PTPN4: variants seen among roughly 807,000 people sequenced by gnomAD.
PTPN4 encodes protein tyrosine phosphatase non-receptor type 4, also known as tyrosine-protein phosphatase non-receptor type 4.
Under a neutral mutation model 135.5 loss-of-function variants are expected in PTPN4, and 49 were observed. The observed-to-expected ratio is 0.36, with a 90% CI of 0.29 to 0.46. The LOEUF (loss-of-function observed/expected upper bound fraction) is 0.46, where lower values mean the gene tolerates loss of function less well. PTPN4 is among the 20% of genes least tolerant of loss of function. The pLI, the probability that PTPN4 is intolerant of heterozygous loss-of-function variation, is 1.00. For missense variants in PTPN4, 860 were observed against 1,101.0 expected, an observed-to-expected ratio of 0.78 and a Z score of 3.10; for synonymous variants, 333 against 369.9, an observed-to-expected ratio of 0.90 and a Z score of 1.14.
chr2:119,851,619 A>G (rs1677592603), intron 2 of PTPN4, among the ~76,000 whole-genome samples: 1 of 152,182 alleles, frequency 6.6e-6, no homozygotes, highest in Non-Finnish European at 1.5e-5. Context: ...TCCCTTTTCC[A>G]GTGGTGTGCC....
At chr2:119,767,352 ATTAT>A (rs1690646651) in intron 1 of PTPN4, among the ~76,000 whole-genome samples, 1 of 152,210 alleles carries the variant, frequency 6.6e-6, no homozygotes. Flanking sequence ...TTTTTCCTGA[ATTAT>A]TTGAGAGCAA....
intron 1 of PTPN4, among the ~76,000 whole-genome samples, chr2:119,770,181 T>G (rs1267116890): frequency 6.6e-6 from 1 of 152,214 alleles, no homozygotes; most frequent in Non-Finnish European, 1.5e-5. Context: ...CTCTTTATCA[T>G]CAAGATTATT....
At chr2:119,930,648 T>C (rs1678890987) in intron 13 of PTPN4, among the ~76,000 whole-genome samples, 1 of 152,178 alleles carries the variant, frequency 6.6e-6, no homozygotes, top group Non-Finnish European at 1.5e-5. Context: ...TGGTCAGTGT[T>C]ATTGTGCGTG....
At chr2:119,915,437 G>A (rs575900893) in intron 11 of PTPN4, 195 bp downstream of exon 11, 62 of 357,978 alleles carry the variant, frequency 1.7e-4, no homozygotes, top group African/African-American at 1.2e-3. Flanking sequence ...CTAATTTAAA[G>A]TTCTTCTAGA....
Position 119,803,439 on chromosome 2 carries a change from C to T in PTPN4, c.-17-6398C>T, listed in dbSNP as rs116454627. ...GATTTCCTCTTTGTCCAGTGGATAA[C>T]GTAGACTTGTTTAGTTTCTACGTGT... On this transcript the variant is annotated intron_variant, in intron 1 of 26. Coordinates refer to ENST00000263708, the MANE Select transcript of PTPN4 (RefSeq NM_002830.4). Among the ~76,000 whole-genome samples, 135 of 152,236 alleles carry T rather than the reference C, an allele frequency of 8.9e-4. 1 individual carries two copies. Among genetic ancestry groups the T allele is most frequent in the African/African-American group, 3.1e-3 (130 of 41,544 alleles).
At chr2:119,934,776 C>G in intron 14 of PTPN4, 24 bp from the exon 15 acceptor site, 1 of 1,606,734 alleles carries the variant, frequency 6.2e-7, no homozygotes, top group Non-Finnish European at 8.5e-7. Context: ...TATTTTTATT[C>G]AGTTTTTCTC....
intron 18 of PTPN4, among the ~76,000 whole-genome samples, chr2:119,949,440 T>C (rs1045472744): frequency 6.6e-6 from 1 of 152,140 alleles, no homozygotes; most frequent in Non-Finnish European, 1.5e-5. Flanking sequence ...TCATTTTTTA[T>C]ATTGGACATC....
chr2:119,894,518 A>G (rs142144061), intron 9 of PTPN4, among the ~76,000 whole-genome samples: 2 of 152,332 alleles, frequency 1.3e-5, no homozygotes, highest in African/African-American at 2.4e-5. Flanking sequence ...CTCATACTCC[A>G]TTAGGCCTAT....
intron 10 of PTPN4, among the ~76,000 whole-genome samples, chr2:119,911,725 A>T (rs1198458385): frequency 6.6e-6 from 1 of 152,156 alleles, no homozygotes; most frequent in Non-Finnish European, 1.5e-5. Flanking sequence ...TTCCTTGTAG[A>T]TAAGAATATA....
chr2:119,856,774 G>C (rs1304807754), intron 2 of PTPN4, among the ~76,000 whole-genome samples: 1 of 152,146 alleles, frequency 6.6e-6, no homozygotes, highest in East Asian at 1.9e-4. Flanking sequence ...CATACTAGGA[G>C]GATAATAATT....
chr2:119,841,266 C>T (rs552542241), intron 2 of PTPN4, among the ~76,000 whole-genome samples: 1 of 152,266 alleles, frequency 6.6e-6, no homozygotes, highest in African/African-American at 2.4e-5. Flanking sequence ...AACCCTTGTG[C>T]TTACACATTA....
rs1417081868 is a variant in PTPN4 at position 119,977,955 on chromosome 2, A to T, written c.*885A>T. On this transcript the variant is annotated 3_prime_UTR_variant, in exon 27 of 27. Transcript: ENST00000263708. ...AGTTCACATTTTAAAAAACAGCTATATTGAGTGTTATACAGTCAAAGAAGG... is the reference window on the plus strand; with the variant it reads ...AGTTCACATTTTAAAAAACAGCTATTTTGAGTGTTATACAGTCAAAGAAGG... 1 of 152,190 alleles carries T rather than the reference A, an allele frequency of 6.6e-6. No homozygotes were observed. Among genetic ancestry groups the T allele is most frequent in the Non-Finnish European group, 1.5e-5 (1 of 68,032 alleles). 9.4% of individuals were successfully genotyped at this position (152,190 alleles called of 1,614,324 possible). A position where few individuals can be genotyped will look rare whatever the true frequency, so the allele number is the denominator to read the frequency against.
chr2:119,902,785 CCTT>C (rs1364540150), intron 10 of PTPN4, among the ~76,000 whole-genome samples: 2 of 152,186 alleles, frequency 1.3e-5, no homozygotes, highest in Admixed American at 1.3e-4. Context: ...TTACTGCAGT[CCTT>C]CTTATATGAG....
At chr2:119,804,785 G>A (rs185187931) in intron 1 of PTPN4, among the ~76,000 whole-genome samples, 1 of 152,154 alleles carries the variant, frequency 6.6e-6, no homozygotes, top group Non-Finnish European at 1.5e-5. Flanking sequence ...AATCCTTTGG[G>A]CATATACCCA....
chr2:119,815,777 T>C (rs1041038036), intron 2 of PTPN4, among the ~76,000 whole-genome samples: 7 of 152,174 alleles, frequency 4.6e-5, no homozygotes, highest in Non-Finnish European at 7.4e-5. Flanking sequence ...GAGAGAGATG[T>C]TGGATTCTAT....
In PTPN4 at chr2:119,920,181, T is replaced by C; in HGVS notation, c.941T>C (p.Leu314Pro). ...HHTFFRLDRP[L>P]PPQKNFFAHY... ...ACATTCTTCCGTTTGGACAGACCACTTCCACCTCAAAAGAATTTTTTTGCA... is the reference window on the plus strand; with the variant it reads ...ACATTCTTCCGTTTGGACAGACCACCTCCACCTCAAAAGAATTTTTTTGCA... The change falls in exon 12 of 27, where the codon CTT becomes CCT. Residue 314 changes from leucine (L) to proline (P), a missense_variant. By Grantham distance (98) the Leu-to-Pro change is moderately conservative. Coordinates refer to ENST00000263708, the MANE Select transcript of PTPN4 (RefSeq NM_002830.4). The C allele has an allele frequency of 2.5e-6, 4 of 1,613,392 alleles. No homozygotes were observed. The highest frequency in any genetic ancestry group is 3.4e-6 in the Non-Finnish European group (4 of 1,179,724).
chr2:119,849,744 C>T (rs1677563560), intron 2 of PTPN4, among the ~76,000 whole-genome samples: 1 of 152,212 alleles, frequency 6.6e-6, no homozygotes, highest in Non-Finnish European at 1.5e-5. Flanking sequence ...ACAGTGCGCA[C>T]AGCATTAGGC....
chr2:119,810,664 T>C lies in PTPN4; in HGVS notation c.138+673T>C, dbSNP rs1166236309. Among the ~76,000 whole-genome samples, 4 of 152,318 alleles carry C rather than the reference T, an allele frequency of 2.6e-5. No individual in the cohort carries two copies. The East Asian group carries it at 5.8e-4, about 22-fold the overall frequency. ...ACTGCTGTGAACATTCTTGTACATA[T>C]CTTGATACATATAAAAGTGTATTCT... is the stretch of plus-strand genomic sequence containing the variant. On this transcript the variant is annotated intron_variant, in intron 2 of 26. Transcript: ENST00000263708.
At chr2:119,790,992 T>A (rs574690046) in intron 1 of PTPN4, among the ~76,000 whole-genome samples, 35 of 152,314 alleles carry the variant, frequency 2.3e-4, no homozygotes, top group African/African-American at 8.4e-4. Flanking sequence ...TCACACAAAT[T>A]GCATCTTTAT....
Sources: allele counts gnomAD v4.1 joint callset (sites outside exome capture counted in the v4.1 genomes callset), GRCh38; gene constraint gnomAD v4.1.1; transcripts MANE v1.5; gene names NCBI Gene and HGNC (gene_info 2026-07-23, HGNC 2026-07-21).